ZNF419: variants seen among roughly 807,000 people sequenced by gnomAD.
The protein encoded by ZNF419 is zinc finger protein 419.
Under a neutral mutation model 14.9 loss-of-function variants are expected in ZNF419, and 8 were observed. The observed-to-expected ratio is 0.54, with a 90% CI of 0.32 to 0.97. The LOEUF (loss-of-function observed/expected upper bound fraction) is 0.97, where lower values mean the gene tolerates loss of function less well. Ranked by LOEUF, ZNF419 falls within the 50% of genes least tolerant of loss-of-function variation. ZNF419 has a pLI of 0.04. For missense variants in ZNF419, 595 were observed against 607.2 expected (o/e 0.98, Z 0.21); for synonymous variants, 211 against 205.3 (o/e 1.03, Z -0.24).
In ZNF419 at chr19:57,492,930, C is replaced by A; in HGVS notation, c.373C>A (p.Gln125Lys). The change falls in exon 5 of 5, where the codon CAG becomes AAG. Residue 125 changes from glutamine to lysine, a missense_variant. Coordinates refer to ENST00000221735, the MANE Select transcript of ZNF419 (RefSeq NM_024691.4). ...ASVGLLSSNI[Q>K]QHQKQHCGEK... ...TGTAGGACTGCTCAGTTCAAACATT[C>A]AGCAACACCAGAAGCAGCACTGTGG... 6.2e-7 allele frequency: 1 copy of A among 1,614,222 alleles called. No homozygotes were observed. The highest frequency in any genetic ancestry group is 1.3e-5 in the African/African-American group (1 of 75,054).
intron 4 of ZNF419, 37 bp from the exon 5 acceptor site, chr19:57,492,819 G>A: frequency 6.2e-7 from 1 of 1,613,672 alleles, no homozygotes. Context: ...TCACACCAAA[G>A]TCTACATTTA....
chr19:57,490,312 T>TG (rs2089453556), intron 2 of ZNF419, 127 bp downstream of exon 2: 1 of 792,970 alleles, frequency 1.3e-6, no homozygotes, highest in East Asian at 2.7e-5. Context: ...CCCTGGAAGA[T>TG]GGTCACACAC....
At position 57,490,204 on chromosome 19, in the gene ZNF419, A is replaced by T. The variant is rs2089451494; in HGVS notation, c.72+19A>T. On this transcript the variant is annotated intron_variant, in intron 2 of 4. Transcript: ENST00000221735. ...TGAGGAGGTAAGTGGAGGATGTCTC[A>T]GGTCCTCACACTCCTGCACTCCTAC... 1.2e-6 allele frequency: 2 copies of T among 1,611,778 alleles called. No individual in the cohort carries two copies. The highest frequency in any genetic ancestry group is 8.5e-7 in the Non-Finnish European group (1 of 1,178,710).
At chr19:57,492,274 G>T (rs2089504539) in intron 4 of ZNF419, 63 bp downstream of exon 4, 1 of 1,559,672 alleles carries the variant, frequency 6.4e-7, no homozygotes, top group African/African-American at 1.4e-5. Context: ...CATACCAGTA[G>T]GCCCAGATAT....
At chr19:57,489,172 G>A (rs2089425950) in intron 1 of ZNF419, 1 of 152,256 alleles carries the variant, frequency 6.6e-6, no homozygotes. Context: ...GTCTTCAGGG[G>A]AGTATATAGC....
chr19:57,494,172 A>G lies in ZNF419; in HGVS notation c.*82A>G, dbSNP rs1465315394. The G allele has an allele frequency of 6.6e-7, 1 of 1,522,944 alleles. No individual in the cohort carries two copies. Among genetic ancestry groups the G allele is most frequent in the East Asian group, 2.3e-5 (1 of 44,386 alleles). The allele number at this position is 1,522,944 out of a possible 1,614,324, so 94.3% of individuals were successfully genotyped here. ...GTGGAAAAAATCTTGAAGGTAACAG[A>G]TGGAAATCCGTTAGCCACACCTCCA... On this transcript the variant is annotated 3_prime_UTR_variant, in exon 5 of 5. Transcript: ENST00000221735.
At chr19:57,489,662 A>C (rs1239009817) in intron 1 of ZNF419, 1 of 154,604 alleles carries the variant, frequency 6.5e-6, no homozygotes, top group Non-Finnish European at 1.4e-5. Context: ...GCTAATTTTT[A>C]TATTTTTAGT....
intron 1 of ZNF419, chr19:57,488,364 G>T: frequency 3.4e-6 from 1 of 296,780 alleles, no homozygotes; most frequent in South Asian, 5.7e-5. Flanking sequence ...ACAGACTGGG[G>T]TGGGGGTGAG....
chr19:57,492,505 C>G (rs2074074), intron 4 of ZNF419: 1 of 763,024 alleles, frequency 1.3e-6, no homozygotes, highest in South Asian at 1.4e-5. Context: ...TATTTGGTTG[C>G]AGTTGGTTTT....
Position 57,492,380 on chromosome 19 carries a change from C to T in ZNF419, c.298+169C>T, listed in dbSNP as rs370745427. The T allele has an allele frequency of 1.5e-4, 128 of 843,140 alleles. No homozygotes were observed. In the African/African-American group the frequency reaches 1.6e-3, roughly 10 times the overall value. 52.2% of individuals were successfully genotyped at this position (843,140 alleles called of 1,614,324 possible). Reference sequence around the variant, plus strand: ...CTGATGTTTGACCTAGGGCCATTCCCCACCTCTCTGTCCTCCATGTTTCAC... The same window carrying T: ...CTGATGTTTGACCTAGGGCCATTCCTCACCTCTCTGTCCTCCATGTTTCAC... On this transcript the variant is annotated intron_variant, in intron 4 of 4. Transcript: ENST00000221735.
intron 2 of ZNF419, chr19:57,490,879 A>G: frequency 6.2e-6 from 1 of 160,440 alleles, no homozygotes; most frequent in Non-Finnish European, 1.4e-5. Flanking sequence ...GTGCAATTCC[A>G]AGTAGCTAAA....
chr19:57,492,320 A>C lies in ZNF419; in HGVS notation c.298+109A>C, dbSNP rs779539679. The C allele has an allele frequency of 1.7e-5, 21 of 1,253,950 alleles. No homozygotes were observed. The South Asian group carries it at 1.9e-4, about 11-fold the overall frequency. The allele number at this position is 1,253,950 out of a possible 1,614,324, so 77.7% of individuals were successfully genotyped here. ...AGGCAAGGGGTTGTCGCTGATTTCT[A>C]TCTTTTCTTCCTTAGTCACCCATTT... On this transcript the variant is annotated intron_variant, in intron 4 of 4. Transcript: ENST00000221735.
At position 57,493,767 on chromosome 19, in the gene ZNF419, T is replaced by A. The variant is rs774117582; in HGVS notation, c.1210T>A (p.Cys404Ser). ...TGEKPFKCNECGRFFRENSTL... is the reference protein window; with the variant it reads ...TGEKPFKCNESGRFFRENSTL... ...AGAAAAGCCTTTTAAGTGCAATGAA[T>A]GTGGGAGATTCTTTAGAGAGAATTC... The change falls in exon 5 of 5, where the codon TGT (cysteine) becomes AGT (serine). Residue 404 changes from cysteine to serine, a missense_variant. By Grantham distance (112) the Cys-to-Ser change is moderately radical. Coordinates refer to ENST00000221735, the MANE Select transcript of ZNF419 (RefSeq NM_024691.4). The A allele has an allele frequency of 6.2e-7, 1 of 1,614,222 alleles. No homozygotes were observed. Among genetic ancestry groups the A allele is most frequent in the Admixed American group, 1.7e-5 (1 of 60,030 alleles).
rs754818776 is a variant in ZNF419 at position 57,493,922 on chromosome 19, T to C, written c.1365T>C (p.Phe455=). ...HRKVHIGEKP[F]KCNECGRLFR... ...AAGTTCACATTGGAGAAAAGCCTTT[T>C]AAGTGCAATGAATGTGGGAGATTGT... Residue 455 remains phenylalanine (F), a synonymous_variant, in exon 5 of 5, where the codon TTT becomes TTC. Transcript: ENST00000221735. The C allele has an allele frequency of 2.5e-6, 4 of 1,613,858 alleles. No homozygotes were observed. Among genetic ancestry groups the C allele is most frequent in the East Asian group, 4.5e-5 (2 of 44,818 alleles).
rs11672136 is a variant in ZNF419 at position 57,490,144 on chromosome 19, T to C, written c.34-3T>C. On this transcript the variant is annotated splice_region_variant and splice_polypyrimidine_tract_variant and intron_variant, in intron 1 of 4. Transcript: ENST00000221735. The stretch of plus-strand genomic sequence containing the variant: ...TGGTTCTCATAGTCTTGATTTTCCA[T>C]AGGTTCCTGTGGCTGCAGACTTGCT... 3.0e-4 allele frequency: 482 copies of C among 1,612,506 alleles called. No individual in the cohort carries two copies. Among genetic ancestry groups the C allele is most frequent in the African/African-American group, 7.1e-4 (53 of 74,788 alleles).
intron 4 of ZNF419, 189 bp from the exon 5 acceptor site, chr19:57,492,667 C>T (rs1447652444): frequency 2.4e-6 from 2 of 841,102 alleles, no homozygotes; most frequent in Admixed American, 1.7e-5. Flanking sequence ...CTCATGAGGC[C>T]TCCCCAAATC....
Position 57,487,862 on chromosome 19 carries a change from G to A in ZNF419, c.-89G>A, listed in dbSNP as rs1329047899. On this transcript the variant is annotated 5_prime_UTR_variant, in exon 1 of 5. Transcript: ENST00000221735. ...CTCACGCTGTTCTCGCCGCTCAGAG[G>A]CGGGTCTGAGGCTCGGTGGCGGCGC... 4.4e-6 allele frequency: 7 copies of A among 1,581,610 alleles called. No individual in the cohort carries two copies. The highest frequency in any genetic ancestry group is 4.0e-5 in the African/African-American group (3 of 74,428).
At chr19:57,489,916 A>G (rs2089444902) in intron 1 of ZNF419, 9 of 540,322 alleles carry the variant, frequency 1.7e-5, no homozygotes, top group African/African-American at 1.1e-4. Context: ...GATACAAACA[A>G]TCGTCCTATT....
At chr19:57,488,308 G>C (rs2089404805) in intron 1 of ZNF419, 1 of 438,758 alleles carries the variant, frequency 2.3e-6, no homozygotes, top group East Asian at 3.6e-5. Context: ...ACAGAAGAGT[G>C]ACAAGATCTG....
Sources: allele counts gnomAD v4.1 joint callset, GRCh38; gene constraint gnomAD v4.1.1; transcripts MANE v1.5; gene names NCBI Gene and HGNC (gene_info 2026-07-23, HGNC 2026-07-21).